The following CDK14 variants were observed in gnomAD, a reference collection of about 807,000 sequenced individuals.
CDK14 encodes cyclin-dependent kinase 14.
CDK14 carries 34 observed loss-of-function variants against 60.7 expected under a neutral mutation model. The ratio of observed to expected loss-of-function variants is 0.56; its 90% confidence interval spans 0.43 to 0.75. The LOEUF (loss-of-function observed/expected upper bound fraction) is 0.75, where lower values mean the gene tolerates loss of function less well. CDK14 is among the 30% of genes least tolerant of loss of function. The pLI, the probability that CDK14 is intolerant of heterozygous loss-of-function variation, is 0.00. For synonymous variants in CDK14, 197 were observed against 203.7 expected, an observed-to-expected ratio of 0.97 and a Z score of 0.28; for missense variants, 482 against 564.1, an observed-to-expected ratio of 0.85 and a Z score of 1.47.
chr7:90,603,660 A>G (rs1799360776), intron 1 of CDK14, among the ~76,000 whole-genome samples: 1 of 152,218 alleles, frequency 6.6e-6, no homozygotes. Flanking sequence ...AATATTCTGA[A>G]TGTATTGTTT....
intron 5 of CDK14, among the ~76,000 whole-genome samples, chr7:90,791,129 T>C (rs1255928113): frequency 6.6e-6 from 1 of 152,174 alleles, no homozygotes; most frequent in African/African-American, 2.4e-5. Context: ...ACATTCTTTA[T>C]ATATTAGGGT....
chr7:91,174,414 A>G (rs1418181420), intron 14 of CDK14, among the ~76,000 whole-genome samples: 2 of 150,954 alleles, frequency 1.3e-5, no homozygotes, highest in African/African-American at 2.4e-5. Context: ...CCTCCTCCAA[A>G]GGAACACAGT....
intron 14 of CDK14, among the ~76,000 whole-genome samples, chr7:91,165,314 G>A (rs1010168347): frequency 2.0e-5 from 3 of 152,286 alleles, no homozygotes; most frequent in African/African-American, 7.2e-5. Context: ...AAACTGTAAG[G>A]AGTTTGTGCC....
At chr7:90,970,988 G>T (rs138906306) in intron 9 of CDK14, among the ~76,000 whole-genome samples, 9,949 of 152,000 alleles carry the variant, frequency 0.065, 462 homozygotes, top group Middle Eastern at 0.12. Flanking sequence ...GTGCAGGTTT[G>T]TTACATATGT....
chr7:90,738,897 C>T (rs200484641), intron 3 of CDK14, among the ~76,000 whole-genome samples: 5 of 150,498 alleles, frequency 3.3e-5, no homozygotes, highest in East Asian at 1.9e-4. Context: ...CTGAATTATT[C>T]TTTTTTTTTT....
chr7:90,642,445 CCTG>C (rs1800361187), intron 2 of CDK14, among the ~76,000 whole-genome samples: 1 of 152,088 alleles, frequency 6.6e-6, no homozygotes, highest in Non-Finnish European at 1.5e-5. Context: ...AATTTCTATA[CCTG>C]CTAATTTTCT....
intron 5 of CDK14, among the ~76,000 whole-genome samples, chr7:90,809,594 C>G (rs1007100849): frequency 8.5e-5 from 13 of 152,090 alleles, no homozygotes; most frequent in Admixed American, 5.9e-4. Context: ...CATTCAAAAG[C>G]TAGCAGAAGG....
chr7:90,755,227 T>C lies in CDK14; in HGVS notation c.464+7452T>C, dbSNP rs141043560. Among the ~76,000 whole-genome samples the C allele has an allele frequency of 1.0e-3, 153 of 152,262 alleles. No homozygotes were observed. The Middle Eastern group carries it at 0.02, about 20-fold the overall frequency. ...TGGAGTCAACCTACATGCCCATCAG[T>C]AGTGAATTGGATTAAAAAAATGTGG... is the stretch of plus-strand genomic sequence containing the variant. On this transcript the variant is annotated intron_variant, in intron 4 of 14. Transcript: ENST00000380050.
chr7:90,961,501 C>G (rs935576903), intron 9 of CDK14, among the ~76,000 whole-genome samples: 1 of 152,098 alleles, frequency 6.6e-6, no homozygotes, highest in Admixed American at 6.5e-5. Context: ...TCATTTTAAA[C>G]CAAAGGATAG....
At chr7:90,829,275 C>T (rs779797203) in intron 5 of CDK14, among the ~76,000 whole-genome samples, 1 of 152,148 alleles carries the variant, frequency 6.6e-6, no homozygotes, top group Non-Finnish European at 1.5e-5. Flanking sequence ...CATTTCAGAA[C>T]CCATCATGCC....
At chr7:90,906,990 T>G (rs1176120954) in intron 7 of CDK14, among the ~76,000 whole-genome samples, 1 of 152,114 alleles carries the variant, frequency 6.6e-6, no homozygotes, top group Non-Finnish European at 1.5e-5. Context: ...TATGGCATTC[T>G]GAAATAAATA....
At chr7:91,178,691 A>G (rs1486536312) in intron 14 of CDK14, among the ~76,000 whole-genome samples, 2 of 152,080 alleles carry the variant, frequency 1.3e-5, no homozygotes, top group South Asian at 2.1e-4. Context: ...TATGCAGCCA[A>G]AAAACACATG....
intron 10 of CDK14, among the ~76,000 whole-genome samples, chr7:90,990,653 A>G (rs1355351903): frequency 6.6e-6 from 1 of 152,144 alleles, no homozygotes; most frequent in Non-Finnish European, 1.5e-5. Context: ...TTCACAATTG[A>G]GTTCATGATA....
At chr7:91,164,499 A>G (rs182437937) in intron 14 of CDK14, among the ~76,000 whole-genome samples, 5 of 152,272 alleles carry the variant, frequency 3.3e-5, no homozygotes, top group Admixed American at 6.5e-5. Flanking sequence ...AGGGTAAAGG[A>G]ATTGGGGGAT....
intron 9 of CDK14, among the ~76,000 whole-genome samples, chr7:90,969,404 C>T (rs1794854108): frequency 6.6e-6 from 1 of 152,172 alleles, no homozygotes; most frequent in Non-Finnish European, 1.5e-5. Context: ...AGTGATTTCT[C>T]TTCACGATAT....
intron 2 of CDK14, among the ~76,000 whole-genome samples, chr7:90,633,812 C>T (rs1473607418): frequency 6.6e-6 from 1 of 151,852 alleles, no homozygotes; most frequent in Non-Finnish European, 1.5e-5. Context: ...TTTCTTAAAG[C>T]AGTAGATGTA....
At chr7:91,016,727 T>C (rs1032710722) in intron 10 of CDK14, among the ~76,000 whole-genome samples, 19 of 152,364 alleles carry the variant, frequency 1.2e-4, no homozygotes, top group Admixed American at 6.5e-4. Flanking sequence ...AGGTAGTTTT[T>C]ATATTCATCA....
At chr7:90,963,086 A>AGTGTGTGTGTGTGT (rs34662049) in intron 9 of CDK14, among the ~76,000 whole-genome samples, 1,433 of 142,138 alleles carry the variant, frequency 0.01, 9 homozygotes, top group African/African-American at 0.016. Context: ...TCATCTTAAG[A>AGTGTGTGTGTGTGT]GTGTGTGTGT....
intron 14 of CDK14, among the ~76,000 whole-genome samples, chr7:91,125,690 C>G (rs1363278159): frequency 6.6e-6 from 1 of 151,908 alleles, no homozygotes; most frequent in Non-Finnish European, 1.5e-5. Context: ...AAAAAAAATA[C>G]AAAAGTTAGA....
Sources: gnomAD v4.1 joint callset for allele counts (sites outside exome capture counted in the v4.1 genomes callset) on GRCh38, gnomAD v4.1.1 for gene constraint, MANE v1.5 for transcripts, NCBI Gene and HGNC (gene_info 2026-07-23, HGNC 2026-07-21) for gene names.